PPP1R16B: variants seen among roughly 807,000 people sequenced by gnomAD.
The protein encoded by PPP1R16B is protein phosphatase 1 regulatory inhibitor subunit 16B.
In PPP1R16B, 14 loss-of-function variants were observed where a neutral mutation model predicts 61.7. The ratio of observed to expected loss-of-function variants is 0.23; its 90% CI spans 0.15 to 0.35. The LOEUF is 0.35. Ranked by LOEUF, PPP1R16B falls within the 10% of genes least tolerant of loss-of-function variation. The pLI is 1.00. For synonymous variants in PPP1R16B, 266 were observed against 305.3 expected (o/e 0.87, Z 1.34); for missense variants, 547 against 752.5 (o/e 0.73, Z 3.19).
rs145602149 is a variant in PPP1R16B, at chr20:38,913,327, A to G, written c.1195-4830A>G. Among the ~76,000 whole-genome samples, 13 of 151,954 alleles carry G rather than the reference A, an allele frequency of 8.6e-5. No individual in the cohort carries two copies. In the East Asian group the frequency reaches 1.7e-3, roughly 20 times the overall value. ...TGCCAGGCTGGAGTGCAGTGGCTCA[A>G]TCTTGGCTCACTGCAACCTCCGCCT... On this transcript the variant is annotated intron_variant, in intron 10 of 10. Coordinates refer to ENST00000299824, the MANE Select transcript of PPP1R16B (RefSeq NM_015568.4).
chr20:38,855,029 G>A (rs2084994999), intron 2 of PPP1R16B, among the ~76,000 whole-genome samples: 1 of 152,156 alleles, frequency 6.6e-6, no homozygotes, highest in Non-Finnish European at 1.5e-5. Flanking sequence ...TTCATTGGAA[G>A]CCAGTGGGAA....
chr20:38,810,491 T>G (rs1419135256), intron 1 of PPP1R16B, among the ~76,000 whole-genome samples: 3 of 152,146 alleles, frequency 2.0e-5, no homozygotes, highest in Non-Finnish European at 4.4e-5. Flanking sequence ...TCACCATCCT[T>G]CCCTCTTCAT....
At chr20:38,892,044 C>T (rs190501169) in intron 3 of PPP1R16B, among the ~76,000 whole-genome samples, 108 of 150,934 alleles carry the variant, frequency 7.2e-4, no homozygotes, top group African/African-American at 2.3e-3. Flanking sequence ...CTTATTATAC[C>T]GTGCAACTTG....
At chr20:38,915,704 G>A (rs941835949) in intron 10 of PPP1R16B, among the ~76,000 whole-genome samples, 2 of 151,952 alleles carry the variant, frequency 1.3e-5, no homozygotes, top group Admixed American at 1.3e-4. Flanking sequence ...TGGCCAGGCC[G>A]GTCTCGAACT....
At chr20:38,888,918 CACA>C (rs2085268872) in intron 2 of PPP1R16B, among the ~76,000 whole-genome samples, 2 of 151,404 alleles carry the variant, frequency 1.3e-5, no homozygotes, top group Admixed American at 1.3e-4. Flanking sequence ...CACACACACA[CACA>C]CACACACCCC....
intron 2 of PPP1R16B, among the ~76,000 whole-genome samples, chr20:38,846,216 C>G (rs1452815820): frequency 6.6e-6 from 1 of 152,104 alleles, no homozygotes; most frequent in African/African-American, 2.4e-5. Flanking sequence ...GAGTCTGGAG[C>G]TCAGGGGAGA....
intron 2 of PPP1R16B, among the ~76,000 whole-genome samples, chr20:38,889,303 T>G (rs2085272585): frequency 6.6e-6 from 1 of 152,246 alleles, no homozygotes. Flanking sequence ...GTGTATGCTT[T>G]CAATGACTAG....
rs957500647 is a variant in PPP1R16B at position 38,877,033 on chromosome 20, T to A, written c.251-12562T>A. ...GACTCTTTGTTTTTCCATTCTATGT[T>A]ATATATCAAGCATTTTCCCATGTCA... On this transcript the variant is annotated intron_variant, in intron 2 of 10. Coordinates refer to ENST00000299824, the MANE Select transcript of PPP1R16B (RefSeq NM_015568.4). Among the ~76,000 whole-genome samples, 30 of 152,224 alleles carry A rather than the reference T, an allele frequency of 2.0e-4. 1 individual carries two copies. The highest frequency in any genetic ancestry group is 4.4e-5 in the Non-Finnish European group (3 of 68,040).
At chr20:38,861,700 G>A (rs1262952088) in intron 2 of PPP1R16B, among the ~76,000 whole-genome samples, 3 of 134,744 alleles carry the variant, frequency 2.2e-5, no homozygotes, top group East Asian at 2.1e-4. Flanking sequence ...TTTTTGAGAC[G>A]AAGTCTTGCT....
In PPP1R16B at chr20:38,922,367, G is replaced by A. The variant is rs1362835279; in HGVS notation, c.*3701G>A. 2.0e-5 allele frequency: 3 copies of A among 152,600 alleles called. No homozygotes were observed. Among genetic ancestry groups the A allele is most frequent in the Non-Finnish European group, 4.4e-5 (3 of 68,050 alleles). 9.5% of individuals were successfully genotyped at this position (152,600 alleles called of 1,614,324 possible). On this transcript the variant is annotated 3_prime_UTR_variant, in exon 11 of 11. Transcript: ENST00000299824. Reference sequence around the variant, plus strand: ...TCTCTCTCCTAGAGCAGGATACTGGGGTACTTTTAAGAAGGGTGCTCCTTT... The same window carrying A: ...TCTCTCTCCTAGAGCAGGATACTGGAGTACTTTTAAGAAGGGTGCTCCTTT...
At position 38,914,311 on chromosome 20, in the gene PPP1R16B, G is replaced by A. The variant is rs565003605; in HGVS notation, c.1195-3846G>A. ...GGTTGTCCTAGGAAAAGGAGGGGTC[G>A]TCTGAGCGTTCTGGAAATCCTATGG... On this transcript the variant is annotated intron_variant, in intron 10 of 10. Coordinates refer to ENST00000299824, the MANE Select transcript of PPP1R16B (RefSeq NM_015568.4). 1.5e-4 allele frequency among the ~76,000 whole-genome samples: 23 copies of A among 152,182 alleles called. No individual in the cohort carries two copies. In the South Asian group the frequency reaches 2.7e-3, roughly 18 times the overall value.
rs189059436 is a variant in PPP1R16B, at chr20:38,854,518, T to C, written c.250+18343T>C. ...GTAATAAAATCTTTCAAAATGTGGATGACATAGGTGCAATAGAATATAAAG... is the reference window on the plus strand; with the variant it reads ...GTAATAAAATCTTTCAAAATGTGGACGACATAGGTGCAATAGAATATAAAG... On this transcript the variant is annotated intron_variant, in intron 2 of 10. Transcript: ENST00000299824. Among the ~76,000 whole-genome samples the C allele has an allele frequency of 4.6e-5, 7 of 152,284 alleles. No homozygotes were observed. The East Asian group carries it at 1.3e-3, about 29-fold the overall frequency.
chr20:38,902,517 C>T, intron 5 of PPP1R16B, 151 bp from the exon 6 acceptor site: 1 of 1,116,188 alleles, frequency 9.0e-7, no homozygotes, highest in Non-Finnish European at 1.3e-6. Flanking sequence ...TCTCATCAGG[C>T]CTGAAGACAA....
chr20:38,888,340 A>C (rs1311060235), intron 2 of PPP1R16B, among the ~76,000 whole-genome samples: 1 of 152,168 alleles, frequency 6.6e-6, no homozygotes, highest in East Asian at 1.9e-4. Context: ...CCACCCACAC[A>C]AGCCAGCTTG....
At chr20:38,821,696 G>A (rs1167352547) in intron 1 of PPP1R16B, among the ~76,000 whole-genome samples, 1 of 151,948 alleles carries the variant, frequency 6.6e-6, no homozygotes, top group African/African-American at 2.4e-5. Flanking sequence ...TGATGCTTTG[G>A]GTTCTTTTCT....
At position 38,806,202 on chromosome 20, in the gene PPP1R16B, A is replaced by ACCC. The variant is rs568655910; in HGVS notation, c.-102+417_-102+419dup. The stretch of plus-strand genomic sequence containing the variant: ...CGGGAGCCACAGCGGACACCAAACA[A>ACCC]CCCCCCCCCGCGCACTCTCCCGGCC... On this transcript the variant is annotated intron_variant, in intron 1 of 10. Transcript: ENST00000299824. This position sits in a 1 kb window ranked among gnomAD's most constrained non-coding sequence, Gnocchi z 4.5. Among the ~76,000 whole-genome samples, 1 of 142,708 alleles carries ACCC rather than the reference A, an allele frequency of 7.0e-6. No individual in the cohort carries two copies. Among genetic ancestry groups the ACCC allele is most frequent in the African/African-American group, 2.6e-5 (1 of 38,120 alleles). The allele number at this position is 142,708 out of a possible 152,430, so 93.6% of individuals were successfully genotyped here. A position where few individuals can be genotyped will look rare whatever the true frequency, so the allele number is the denominator to read the frequency against.
At chr20:38,872,554 C>T (rs1246460167) in intron 2 of PPP1R16B, among the ~76,000 whole-genome samples, 1 of 152,196 alleles carries the variant, frequency 6.6e-6, no homozygotes, top group Non-Finnish European at 1.5e-5. Flanking sequence ...AGACACCCCC[C>T]TCCTGCAGGG....
At chr20:38,807,074 G>A (rs2084667197) in intron 1 of PPP1R16B, among the ~76,000 whole-genome samples, 1 of 152,244 alleles carries the variant, frequency 6.6e-6, no homozygotes, top group South Asian at 2.1e-4. Context: ...CCCGGGGCCC[G>A]GAGGTACAGG....
At position 38,902,150 on chromosome 20, in the gene PPP1R16B, T is replaced by C. The variant is rs972349330; in HGVS notation, c.572-518T>C. The stretch of plus-strand genomic sequence containing the variant: ...GCTATACAATGTCTCTCTGGGCCCC[T>C]ACCTCAATTGACTCAGCTCTCCACT... On this transcript the variant is annotated intron_variant, in intron 5 of 10. Coordinates refer to ENST00000299824, the MANE Select transcript of PPP1R16B (RefSeq NM_015568.4). 5.3e-5 allele frequency among the ~76,000 whole-genome samples: 8 copies of C among 152,346 alleles called. 1 individual carries two copies. The East Asian group carries it at 1.2e-3, about 22-fold the overall frequency.
Sources: gnomAD v4.1 joint callset for allele counts (sites outside exome capture counted in the v4.1 genomes callset) on GRCh38, gnomAD v4.1.1 for gene constraint, Gnocchi (gnomAD v3.1) non-coding constraint, MANE v1.5 for transcripts, NCBI Gene and HGNC (gene_info 2026-07-23, HGNC 2026-07-21) for gene names.